ANKRD36: variants seen among roughly 807,000 people sequenced by gnomAD.
ANKRD36 encodes ankyrin repeat domain-containing protein 36A.
Under a neutral mutation model 278.1 loss-of-function variants are expected in ANKRD36, and 179 were observed. That is an observed-to-expected ratio of 0.64 (90% confidence interval 0.57 to 0.73). ANKRD36 has a LOEUF of 0.73. Ranked by LOEUF, ANKRD36 falls within the 30% of genes least tolerant of loss-of-function variation. ANKRD36 has a pLI of 0.00. For synonymous variants in ANKRD36, 320 were observed against 641.1 expected, an observed-to-expected ratio of 0.50 and a Z score of 7.57; for missense variants, 1,159 against 1,956.7, an observed-to-expected ratio of 0.59 and a Z score of 7.69.
intron 22 of ANKRD36, among the ~76,000 whole-genome samples, chr2:97,178,361 A>G (rs1478400319): frequency 1.3e-5 from 2 of 151,986 alleles, no homozygotes; most frequent in African/African-American, 2.4e-5. Context: ...TCACGCTGCT[A>G]TAAAGACACA....
At chr2:97,260,347 G>GATATATATATATAT (rs71218080) in intron 75 of ANKRD36, among the ~76,000 whole-genome samples, 62 of 117,604 alleles carry the variant, frequency 5.3e-4, no homozygotes, top group South Asian at 1.2e-3. Flanking sequence ...TATTTTAAAA[G>GATATATATATATAT]ATATATATAT....
intron 23 of ANKRD36, 29 bp downstream of exon 23, chr2:97,179,795 C>T (rs368020912): frequency 6.3e-7 from 1 of 1,596,714 alleles, no homozygotes; most frequent in Middle Eastern, 2.1e-4. Flanking sequence ...ATATGTTGAA[C>T]TATTAACTGT....
At chr2:97,210,493 A>G (rs937022457) in intron 56 of ANKRD36, among the ~76,000 whole-genome samples, 10 of 152,006 alleles carry the variant, frequency 6.6e-5, no homozygotes, top group African/African-American at 2.4e-4. Flanking sequence ...ACAATGGTAT[A>G]ATTGGAATAC....
chr2:97,121,423 G>A (rs2036798485), intron 3 of ANKRD36, among the ~76,000 whole-genome samples: 2 of 152,086 alleles, frequency 1.3e-5, no homozygotes, highest in Admixed American at 6.6e-5. Context: ...GGTAGATCAC[G>A]AGGTCAGAAG....
Position 97,235,385 on chromosome 2 carries a change from T to A in ANKRD36, c.4093+1514T>A, listed in dbSNP as rs1468465291. ...TATTAATTTGCAGATGCTCCCCAAATTGTGGGAAACCCAGTGTTTGAGTCA... is the reference window on the plus strand; with the variant it reads ...TATTAATTTGCAGATGCTCCCCAAAATGTGGGAAACCCAGTGTTTGAGTCA... On this transcript the variant is annotated intron_variant, in intron 68 of 75. Coordinates refer to ENST00000420699, the MANE Select transcript of ANKRD36 (RefSeq NM_001354587.1). Among the ~76,000 whole-genome samples the A allele has an allele frequency of 7.5e-5, 11 of 147,556 alleles. No homozygotes were observed. In the East Asian group the frequency reaches 1.8e-3, roughly 24 times the overall value.
chr2:97,170,399 T>G (rs1489750359), intron 22 of ANKRD36, among the ~76,000 whole-genome samples: 2 of 151,796 alleles, frequency 1.3e-5, no homozygotes, highest in Admixed American at 6.6e-5. Context: ...GAAATAACGC[T>G]GCATATCTAC....
At chr2:97,138,699 C>T (rs1191749707) in intron 6 of ANKRD36, among the ~76,000 whole-genome samples, 1 of 151,944 alleles carries the variant, frequency 6.6e-6, no homozygotes, top group Non-Finnish European at 1.5e-5. Flanking sequence ...TACAAGGCTA[C>T]AGTAATGAAA....
At chr2:97,149,760 T>A (rs1362720208) in intron 12 of ANKRD36, among the ~76,000 whole-genome samples, 1 of 151,810 alleles carries the variant, frequency 6.6e-6, no homozygotes, top group African/African-American at 2.4e-5. Flanking sequence ...ATACATCAGA[T>A]GACTTATCAA....
At chr2:97,202,103 C>T (rs2061537789) in intron 46 of ANKRD36, 99 bp from the exon 47 acceptor site, 4 of 1,578,900 alleles carry the variant, frequency 2.5e-6, no homozygotes, top group South Asian at 2.3e-5. Context: ...TATGCTAATA[C>T]AGGCAGGAGG....
At chr2:97,195,397 A>G (rs1275584858) in intron 40 of ANKRD36, among the ~76,000 whole-genome samples, 5 of 151,962 alleles carry the variant, frequency 3.3e-5, no homozygotes. Flanking sequence ...AATGTGGGAA[A>G]AGAGGAAGTC....
chr2:97,171,571 G>A (rs2052526022), intron 22 of ANKRD36, among the ~76,000 whole-genome samples: 1 of 106,350 alleles, frequency 9.4e-6, no homozygotes, highest in Non-Finnish European at 1.9e-5. Context: ...GGAGGGGGGA[G>A]GGATAGCATT....
At chr2:97,249,042 TGA>T (rs1283486438) in intron 72 of ANKRD36, 100 bp from the exon 73 acceptor site, 1 of 114,282 alleles carries the variant, frequency 8.8e-6, no homozygotes, top group African/African-American at 3.9e-5. Context: ...AAAAAGATTG[TGA>T]TAGTCTAAAA....
At chr2:97,161,594 T>G (rs1237918538) in intron 17 of ANKRD36, among the ~76,000 whole-genome samples, 1 of 152,210 alleles carries the variant, frequency 6.6e-6, no homozygotes, top group Non-Finnish European at 1.5e-5. Flanking sequence ...AAAGAAACAT[T>G]TACATTCTAG....
At chr2:97,230,687 T>C (rs1337545797) in intron 67 of ANKRD36, among the ~76,000 whole-genome samples, 7 of 152,110 alleles carry the variant, frequency 4.6e-5, no homozygotes, top group African/African-American at 1.7e-4. Flanking sequence ...GGTGAGGAAC[T>C]GCATTCCTTT....
At chr2:97,195,729 A>T (rs549589039) in intron 40 of ANKRD36, among the ~76,000 whole-genome samples, 2 of 151,984 alleles carry the variant, frequency 1.3e-5, no homozygotes, top group Non-Finnish European at 2.9e-5. Flanking sequence ...ATAACATGAT[A>T]CTGCCAACAA....
chr2:97,125,307 C>A (rs1411578815), intron 5 of ANKRD36, among the ~76,000 whole-genome samples: 3 of 149,886 alleles, frequency 2.0e-5, no homozygotes, highest in Non-Finnish European at 4.4e-5. Flanking sequence ...CTTATATGCT[C>A]AGCCATTGTT....
chr2:97,131,301 T>C (rs1024467418), intron 6 of ANKRD36, among the ~76,000 whole-genome samples: 10 of 151,986 alleles, frequency 6.6e-5, no homozygotes, highest in African/African-American at 2.4e-4. Context: ...GTGGTCCTCC[T>C]ACCTCAGCCT....
intron 48 of ANKRD36, among the ~76,000 whole-genome samples, chr2:97,203,347 T>G (rs1343323928): frequency 6.6e-6 from 1 of 151,826 alleles, no homozygotes; most frequent in Non-Finnish European, 1.5e-5. Flanking sequence ...TCACTTTGTA[T>G]GTGTATGTCA....
intron 28 of ANKRD36, among the ~76,000 whole-genome samples, chr2:97,184,263 T>A (rs941602761): frequency 6.6e-6 from 1 of 151,752 alleles, no homozygotes; most frequent in Non-Finnish European, 1.5e-5. Context: ...CGATGACTAC[T>A]GGAATCAGGA....
Sources: allele counts gnomAD v4.1 joint callset (sites outside exome capture counted in the v4.1 genomes callset), GRCh38; gene constraint gnomAD v4.1.1; transcripts MANE v1.5; gene names NCBI Gene and HGNC (gene_info 2026-07-23, HGNC 2026-07-21).